The following FSTL4 variants were observed in gnomAD, a reference collection of about 807,000 sequenced individuals.
The protein encoded by FSTL4 is follistatin-related protein 4.
FSTL4 carries 28 observed loss-of-function variants against 78.2 expected under a neutral mutation model. The ratio of observed to expected loss-of-function variants is 0.36; its 90% CI spans 0.27 to 0.49. The LOEUF is 0.49. Ranked by LOEUF, FSTL4 falls within the 20% of genes least tolerant of loss-of-function variation. FSTL4 has a pLI of 0.98. For missense variants in FSTL4, 922 were observed against 1,084.9 expected (o/e 0.85, Z 2.11); for synonymous variants, 422 against 440.5 (o/e 0.96, Z 0.53).
At chr5:133,386,163 G>T (rs1755696979) in intron 4 of FSTL4, among the ~76,000 whole-genome samples, 1 of 152,236 alleles carries the variant, frequency 6.6e-6, no homozygotes, top group African/African-American at 2.4e-5. Context: ...AAAGTGCACA[G>T]AATGCTCAGC....
chr5:133,439,828 T>A (rs969504702), intron 3 of FSTL4, among the ~76,000 whole-genome samples: 1 of 152,170 alleles, frequency 6.6e-6, no homozygotes, highest in African/African-American at 2.4e-5. Context: ...GGGGTTTTCA[T>A]GTACTTAGCC....
chr5:133,383,035 C>T (rs1755611744), intron 4 of FSTL4, among the ~76,000 whole-genome samples: 1 of 152,182 alleles, frequency 6.6e-6, no homozygotes, highest in African/African-American at 2.4e-5. Flanking sequence ...ATGGACTTTA[C>T]TGACATGTTA....
intron 3 of FSTL4, among the ~76,000 whole-genome samples, chr5:133,454,623 C>T (rs559375131): frequency 2.6e-5 from 4 of 152,202 alleles, no homozygotes; most frequent in East Asian, 3.8e-4. Context: ...TGGAATCACA[C>T]GTTAGCTGGG....
chr5:133,209,467 C>G (rs1239455134), intron 14 of FSTL4, among the ~76,000 whole-genome samples: 1 of 152,176 alleles, frequency 6.6e-6, no homozygotes, highest in Non-Finnish European at 1.5e-5. Flanking sequence ...CTCCTGTGCA[C>G]CCAGAATGGT....
At chr5:133,394,614 C>A (rs1382564420) in intron 4 of FSTL4, among the ~76,000 whole-genome samples, 1 of 152,240 alleles carries the variant, frequency 6.6e-6, no homozygotes, top group Non-Finnish European at 1.5e-5. Flanking sequence ...GGACCTGCAG[C>A]CCGCCATGCC....
At chr5:133,398,556 C>T (rs1756132383) in intron 4 of FSTL4, among the ~76,000 whole-genome samples, 1 of 152,232 alleles carries the variant, frequency 6.6e-6, no homozygotes, top group Non-Finnish European at 1.5e-5. Context: ...TCTCTCTACT[C>T]TCGGCCTGTG....
chr5:133,369,383 A>T (rs1177288532), intron 4 of FSTL4, among the ~76,000 whole-genome samples: 1 of 152,126 alleles, frequency 6.6e-6, no homozygotes, highest in African/African-American at 2.4e-5. Context: ...TCTCCTCAGC[A>T]GGACCTGGGT....
chr5:133,815,426 G>A, the FSTL4 span, among the ~76,000 whole-genome samples: 1 of 152,224 alleles, frequency 6.6e-6, no homozygotes, highest in South Asian at 2.1e-4. Flanking sequence ...GGTGGCCTGA[G>A]AGATTCACGT....
the FSTL4 span, among the ~76,000 whole-genome samples, chr5:133,781,026 G>A: frequency 6.6e-6 from 1 of 152,196 alleles, no homozygotes; most frequent in Non-Finnish European, 1.5e-5. Context: ...CCCAGGTGCC[G>A]CCATGAGTGA....
At chr5:133,335,810 T>C (rs1230210813) in intron 4 of FSTL4, among the ~76,000 whole-genome samples, 3 of 152,006 alleles carry the variant, frequency 2.0e-5, no homozygotes, top group African/African-American at 7.2e-5. Flanking sequence ...GCACCAACAC[T>C]GGGATCCTTG....
chr5:133,738,047 G>T, the FSTL4 span, among the ~76,000 whole-genome samples: 1 of 152,054 alleles, frequency 6.6e-6, no homozygotes, highest in Non-Finnish European at 1.5e-5. Context: ...CTCTTGGGAC[G>T]TGCTTGGACC....
At chr5:133,653,129 T>C in the FSTL4 span, among the ~76,000 whole-genome samples, 20 of 152,314 alleles carry the variant, frequency 1.3e-4, no homozygotes, top group African/African-American at 4.1e-4. Context: ...AGCCCAGGCA[T>C]GCTGAGTCAG....
chr5:133,416,414 C>G (rs939621166), intron 3 of FSTL4, among the ~76,000 whole-genome samples: 1 of 152,138 alleles, frequency 6.6e-6, no homozygotes, highest in Non-Finnish European at 1.5e-5. Context: ...ATTTGGCAAT[C>G]ACAGTACTAG....
At chr5:133,312,885 C>T (rs1445697286) in intron 5 of FSTL4, 108 bp from the exon 6 acceptor site, 2 of 954,008 alleles carry the variant, frequency 2.1e-6, no homozygotes, top group African/African-American at 1.6e-5. Context: ...CTCAGTGGGC[C>T]TTGAGGGGTA....
intron 2 of FSTL4, among the ~76,000 whole-genome samples, chr5:133,580,978 C>G: frequency 6.6e-6 from 1 of 152,170 alleles, no homozygotes; most frequent in East Asian, 1.9e-4. Context: ...CCATGTGTGC[C>G]TCACTCAGGG....
chr5:133,260,687 T>C (rs1042407796), intron 6 of FSTL4, among the ~76,000 whole-genome samples: 1 of 152,230 alleles, frequency 6.6e-6, no homozygotes, highest in Non-Finnish European at 1.5e-5. Flanking sequence ...ACTCCTGGTA[T>C]CCTGTTTTCA....
chr5:133,686,087 C>A, the FSTL4 span, among the ~76,000 whole-genome samples: 1 of 152,128 alleles, frequency 6.6e-6, no homozygotes. Context: ...TTGTTTTCTC[C>A]CCTGATGTCA....
the FSTL4 span, among the ~76,000 whole-genome samples, chr5:133,647,082 C>A: frequency 1.3e-5 from 2 of 152,148 alleles, no homozygotes; most frequent in Non-Finnish European, 2.9e-5. Context: ...TCCTGTGCTG[C>A]ATGAAGAGCG....
intron 6 of FSTL4, among the ~76,000 whole-genome samples, chr5:133,257,855 C>A (rs371447443): frequency 1.3e-5 from 2 of 152,204 alleles, no homozygotes; most frequent in Non-Finnish European, 2.9e-5. Context: ...ATGGGCATAC[C>A]TCTGCTCAAG....
Sources: allele counts gnomAD v4.1 joint callset (sites outside exome capture counted in the v4.1 genomes callset), GRCh38; gene constraint gnomAD v4.1.1; transcripts MANE v1.5; gene names NCBI Gene and HGNC (gene_info 2026-07-23, HGNC 2026-07-21).